Variants in TMPRSS15 observed in about 807,000 individuals in gnomAD.
The protein encoded by TMPRSS15 is transmembrane serine protease 15.
A neutral mutation model predicts 125.3 loss-of-function variants in TMPRSS15; 128 were observed. That is an observed-to-expected ratio of 1.02 (90% confidence interval 0.89 to 1.18). The LOEUF is 1.18. Ranked by LOEUF, TMPRSS15 falls within the 50% of genes most tolerant of loss-of-function variation. The pLI, the probability that TMPRSS15 is intolerant of heterozygous loss-of-function variation, is 0.00. For synonymous variants in TMPRSS15, 446 were observed against 423.2 expected (o/e 1.05, Z -0.66); for missense variants, 1,283 against 1,212.7 (o/e 1.06, Z -0.86).
At chr21:18,463,907 G>A (rs1267347123) in intron 1 of TMPRSS15, among the ~76,000 whole-genome samples, 1 of 152,030 alleles carries the variant, frequency 6.6e-6, no homozygotes, top group Non-Finnish European at 1.5e-5. Flanking sequence ...AGGCGTGGTG[G>A]CTCACGGCTG....
chr21:18,374,489 A>G (rs955580439), intron 5 of TMPRSS15, among the ~76,000 whole-genome samples: 1 of 150,230 alleles, frequency 6.7e-6, no homozygotes. Context: ...CAAAAAAAAA[A>G]AAAAAAAAAA....
At chr21:18,378,009 A>G (rs538498031) in intron 5 of TMPRSS15, among the ~76,000 whole-genome samples, 1 of 152,238 alleles carries the variant, frequency 6.6e-6, no homozygotes, top group African/African-American at 2.4e-5. Flanking sequence ...CATTGTACAT[A>G]TTACTATTAG....
At chr21:18,350,745 T>G (rs2075559872) in intron 10 of TMPRSS15, among the ~76,000 whole-genome samples, 1 of 151,586 alleles carries the variant, frequency 6.6e-6, no homozygotes, top group Non-Finnish European at 1.5e-5. Context: ...AAGGAACAAT[T>G]AATTATATAT....
chr21:18,312,609 A>G (rs79385037), intron 18 of TMPRSS15, among the ~76,000 whole-genome samples: 1,976 of 151,902 alleles, frequency 0.013, 102 homozygotes, highest in Admixed American at 0.11. Context: ...TTATTTATCT[A>G]TATTATGATA....
At chr21:18,444,378 C>T (rs2076250304) in intron 1 of TMPRSS15, among the ~76,000 whole-genome samples, 1 of 152,066 alleles carries the variant, frequency 6.6e-6, no homozygotes, top group African/African-American at 2.4e-5. Flanking sequence ...CAAACTGTCA[C>T]AAGGACAGAA....
At chr21:18,438,853 T>A (rs2076235112) in intron 1 of TMPRSS15, among the ~76,000 whole-genome samples, 1 of 152,256 alleles carries the variant, frequency 6.6e-6, no homozygotes, top group Admixed American at 6.5e-5. Flanking sequence ...TTTATGTAGA[T>A]TTAATTAATG....
intron 1 of TMPRSS15, among the ~76,000 whole-genome samples, chr21:18,440,649 T>TA (rs1006738468): frequency 4.0e-5 from 6 of 151,866 alleles, no homozygotes; most frequent in Admixed American, 2.6e-4. Context: ...CTACTCAATT[T>TA]AAAAAAAATC....
intron 18 of TMPRSS15, among the ~76,000 whole-genome samples, chr21:18,310,962 G>A (rs1485589485): frequency 8.0e-6 from 1 of 125,754 alleles, no homozygotes; most frequent in Non-Finnish European, 1.5e-5. Context: ...TTTAACAAAG[G>A]CACCAAGAAC....
intron 1 of TMPRSS15, among the ~76,000 whole-genome samples, chr21:18,450,157 C>G (rs1004586376): frequency 6.6e-6 from 1 of 152,068 alleles, no homozygotes; most frequent in Non-Finnish European, 1.5e-5. Context: ...ATCTTATATA[C>G]AAGGCAAATT....
intron 15 of TMPRSS15, among the ~76,000 whole-genome samples, chr21:18,327,368 AT>A (rs2075302684): frequency 1.3e-5 from 2 of 152,268 alleles, no homozygotes; most frequent in East Asian, 1.9e-4. Context: ...ACTATTTAAA[AT>A]TTTTTATAGG....
intron 10 of TMPRSS15, among the ~76,000 whole-genome samples, chr21:18,351,411 G>A (rs1011279569): frequency 2.0e-5 from 3 of 152,148 alleles, no homozygotes; most frequent in African/African-American, 4.8e-5. Flanking sequence ...ATCTCCAATT[G>A]TAATCTACAT....
At chr21:18,425,303 T>C (rs2076200394) in intron 1 of TMPRSS15, among the ~76,000 whole-genome samples, 1 of 152,152 alleles carries the variant, frequency 6.6e-6, no homozygotes, top group Admixed American at 6.5e-5. Flanking sequence ...CAGTCAAATT[T>C]GAATTTAAAA....
chr21:18,365,649 C>CCCTTCCTTCATTCCTT (rs1555904786), intron 6 of TMPRSS15, among the ~76,000 whole-genome samples: 1 of 65,812 alleles, frequency 1.5e-5, no homozygotes, highest in Non-Finnish European at 2.8e-5. Context: ...TCTTTTTCCT[C>CCCTTCCTTCATTCCTT]CCTTCCTTCC....
chr21:18,414,508 A>G (rs2076175499), intron 1 of TMPRSS15, among the ~76,000 whole-genome samples: 1 of 152,178 alleles, frequency 6.6e-6, no homozygotes, highest in Non-Finnish European at 1.5e-5. Flanking sequence ...CGAATTCTTC[A>G]TTTGCCCAAC....
At chr21:18,398,072 G>T (rs2076056421) in intron 2 of TMPRSS15, 126 bp from the exon 3 acceptor site, 1 of 1,262,444 alleles carries the variant, frequency 7.9e-7, no homozygotes, top group East Asian at 2.4e-5. Flanking sequence ...TAGTAATGGG[G>T]CTCATACATT....
chr21:18,382,554 T>C (rs953562058), intron 4 of TMPRSS15, among the ~76,000 whole-genome samples: 1 of 152,190 alleles, frequency 6.6e-6, no homozygotes, highest in Non-Finnish European at 1.5e-5. Flanking sequence ...TCCTGGATGT[T>C]TTTATGTATT....
At chr21:18,382,713 T>G (rs59499965) in intron 4 of TMPRSS15, among the ~76,000 whole-genome samples, 16,524 of 152,142 alleles carry the variant, frequency 0.11, 967 homozygotes, top group African/African-American at 0.13. Context: ...CAAAAATTTC[T>G]GAATTCCAAA....
chr21:18,383,745 G>C lies in TMPRSS15; in HGVS notation c.378C>G (p.Phe126Leu), dbSNP rs1226489154. The C allele has an allele frequency of 6.2e-7, 1 of 1,613,754 alleles. No individual in the cohort carries two copies. Among genetic ancestry groups the C allele is most frequent in the Admixed American group, 1.7e-5 (1 of 59,956 alleles). Residue 126 changes from phenylalanine (F) to leucine (L), a missense_variant, in exon 4 of 25, where the codon TTC becomes TTG. Physicochemically the swap from Phe to Leu is conservative, Grantham distance 22. Coordinates refer to ENST00000284885, the MANE Select transcript of TMPRSS15 (RefSeq NM_002772.3). ...NGSIIVVFDL[F>L]FAQWVSDENV... The stretch of plus-strand genomic sequence containing the variant: ...TTTCATCTGACACCCACTGGGCAAA[G>C]AAAAGGTCAAATACGACTATAATGC...
chr21:18,341,399 T>C lies in TMPRSS15; in HGVS notation c.1564+14A>G, dbSNP rs1294955910. Reference sequence around the variant, plus strand: ...ATGATTTAATAAGACAAAATACACATGAAGGTTACTTACTAGGAAGTTCTG... The same window carrying C: ...ATGATTTAATAAGACAAAATACACACGAAGGTTACTTACTAGGAAGTTCTG... On this transcript the variant is annotated intron_variant, in intron 13 of 24. Transcript: ENST00000284885. The C allele has an allele frequency of 1.2e-6, 2 of 1,614,028 alleles. No homozygotes were observed. Among genetic ancestry groups the C allele is most frequent in the East Asian group, 2.2e-5 (1 of 44,868 alleles).
Sources: allele counts gnomAD v4.1 joint callset (sites outside exome capture counted in the v4.1 genomes callset), GRCh38; gene constraint gnomAD v4.1.1; transcripts MANE v1.5; gene names NCBI Gene and HGNC (gene_info 2026-07-23, HGNC 2026-07-21).